The following PDE4D variants were observed in gnomAD, a reference collection of about 807,000 sequenced individuals.
PDE4D encodes 3',5'-cyclic-AMP phosphodiesterase 4D.
Under a neutral mutation model 87.4 loss-of-function variants are expected in PDE4D, and 24 were observed. The ratio of observed to expected loss-of-function variants is 0.27; its 90% CI spans 0.20 to 0.39. The LOEUF is 0.39. Among genes scored for constraint, PDE4D ranks in the 10% least tolerant of loss-of-function variants. PDE4D has a pLI of 1.00. For missense variants in PDE4D, 714 were observed against 1,041.0 expected (o/e 0.69, Z 4.32); for synonymous variants, 384 against 383.2 (o/e 1.00, Z -0.02).
chr5:59,108,953 CAATGTGTGTGTGTGTGTGTG>C (rs1398552070), intron 5 of PDE4D, among the ~76,000 whole-genome samples: 18 of 94,422 alleles, frequency 1.9e-4, no homozygotes, highest in Admixed American at 3.4e-4. Flanking sequence ...CATAGGAACT[CAATGTGTGTGTGTGTGTGTG>C]TGTGTGTGTG....
At chr5:59,443,694 A>G (rs944802961) in intron 1 of PDE4D, among the ~76,000 whole-genome samples, 1 of 152,238 alleles carries the variant, frequency 6.6e-6, no homozygotes, top group Non-Finnish European at 1.5e-5. Flanking sequence ...ATTTTAAATT[A>G]TTCAATGAAG....
At chr5:59,700,495 TA>T (rs1189707022) in intron 1 of PDE4D, among the ~76,000 whole-genome samples, 8 of 152,082 alleles carry the variant, frequency 5.3e-5, no homozygotes, top group Non-Finnish European at 1.2e-4. Flanking sequence ...CCAAAAATAA[TA>T]TGGGAGAAAA....
Position 59,199,384 on chromosome 5 carries a change from C to T in PDE4D, c.648-5848G>A, listed in dbSNP as rs57338410. On this transcript the variant is annotated intron_variant, in intron 2 of 14. Coordinates refer to ENST00000340635, the MANE Select transcript of PDE4D (RefSeq NM_001104631.2). The stretch of plus-strand genomic sequence containing the variant: ...CTAGGATTACAGGTGTGCACCACCG[C>T]GCTGGCCGAATGGAATCTTGTGCAA... Among the ~76,000 whole-genome samples the T allele has an allele frequency of 3.0e-3, 450 of 152,004 alleles. 7 individuals are homozygous for T. In the East Asian group the frequency reaches 0.059, roughly 20 times the overall value.
intron 1 of PDE4D, among the ~76,000 whole-genome samples, chr5:59,765,986 C>T (rs972057459): frequency 1.3e-5 from 2 of 152,008 alleles, no homozygotes; most frequent in South Asian, 2.1e-4. Context: ...GTATGCATAG[C>T]GAATGGAGGG....
intron 5 of PDE4D, among the ~76,000 whole-genome samples, chr5:59,041,475 A>T (rs1336565653): frequency 6.6e-6 from 1 of 152,172 alleles, no homozygotes; most frequent in East Asian, 1.9e-4. Flanking sequence ...TCATTCCCAT[A>T]ATATAGGAAT....
At chr5:59,931,092 TAAAC>T (rs904353709) in intron 3 of PDE4D, among the ~76,000 whole-genome samples, 1 of 152,228 alleles carries the variant, frequency 6.6e-6, no homozygotes, top group African/African-American at 2.4e-5. Flanking sequence ...ATTTATGAAT[TAAAC>T]AATGTTGGGA....
intron 1 of PDE4D, among the ~76,000 whole-genome samples, chr5:59,542,114 A>T (rs1412753304): frequency 6.6e-6 from 1 of 152,162 alleles, no homozygotes; most frequent in Admixed American, 6.5e-5. Context: ...GACTCACAAG[A>T]CCAGCCTCTA....
At chr5:59,999,547 C>G in intron 2 of PDE4D, among the ~76,000 whole-genome samples, 1 of 123,820 alleles carries the variant, frequency 8.1e-6, no homozygotes, top group African/African-American at 3.6e-5. Flanking sequence ...AAAAACAAAA[C>G]AAAACTGGAG....
At chr5:59,370,537 T>A (rs1308388680) in intron 1 of PDE4D, among the ~76,000 whole-genome samples, 1 of 152,250 alleles carries the variant, frequency 6.6e-6, no homozygotes, top group Non-Finnish European at 1.5e-5. Context: ...GGGATACCTA[T>A]TCTGACTTTT....
chr5:60,099,621 T>C (rs937303770), intron 2 of PDE4D, among the ~76,000 whole-genome samples: 3 of 150,696 alleles, frequency 2.0e-5, no homozygotes, highest in African/African-American at 7.3e-5. Flanking sequence ...GAAAAACAAA[T>C]GGTTATTAAA....
chr5:60,305,151 G>T (rs1228250515), intron 1 of PDE4D, among the ~76,000 whole-genome samples: 1 of 151,274 alleles, frequency 6.6e-6, no homozygotes, highest in Non-Finnish European at 1.5e-5. Context: ...GAATCCAAAA[G>T]AAAAACTCAG....
At chr5:59,587,299 G>A (rs757283627) in intron 1 of PDE4D, among the ~76,000 whole-genome samples, 2 of 152,194 alleles carry the variant, frequency 1.3e-5, no homozygotes, top group Admixed American at 6.5e-5. Flanking sequence ...GTCAGACGTT[G>A]TCTAAGAATT....
chr5:60,044,359 G>C (rs1304585423), intron 2 of PDE4D, among the ~76,000 whole-genome samples: 76 of 112,928 alleles, frequency 6.7e-4, no homozygotes, highest in Non-Finnish European at 1.7e-4. Flanking sequence ...TTATACTCTA[G>C]TTTTTCCTTT....
intron 1 of PDE4D, among the ~76,000 whole-genome samples, chr5:59,513,690 T>C (rs1370785483): frequency 6.6e-6 from 1 of 152,226 alleles, no homozygotes; most frequent in Non-Finnish European, 1.5e-5. Flanking sequence ...TGAAAGGCAG[T>C]ACTTCCACAT....
intron 1 of PDE4D, among the ~76,000 whole-genome samples, chr5:59,699,751 T>C (rs1225333260): frequency 6.6e-6 from 1 of 152,182 alleles, no homozygotes; most frequent in Non-Finnish European, 1.5e-5. Flanking sequence ...ACCAATAATA[T>C]AAAATAGGGA....
intron 1 of PDE4D, among the ~76,000 whole-genome samples, chr5:60,455,817 G>A (rs1201033269): frequency 6.6e-6 from 1 of 152,110 alleles, no homozygotes; most frequent in African/African-American, 2.4e-5. Context: ...GGCCATTCAA[G>A]GACCTCTGCG....
intron 2 of PDE4D, among the ~76,000 whole-genome samples, chr5:59,199,642 T>C (rs890417389): frequency 1.3e-5 from 2 of 152,172 alleles, no homozygotes; most frequent in African/African-American, 4.8e-5. Context: ...TTTAGAATTA[T>C]AGAGAAACAA....
chr5:59,544,039 A>C (rs1816825166), intron 1 of PDE4D, among the ~76,000 whole-genome samples: 1 of 152,180 alleles, frequency 6.6e-6, no homozygotes, highest in Non-Finnish European at 1.5e-5. Context: ...AAACTTCTAA[A>C]CACTCACAGG....
chr5:58,970,923 A>AAG lies in PDE4D; in HGVS notation c.*3740_*3741insCT. The AAG allele has an allele frequency of 6.6e-6, 1 of 151,474 alleles. No homozygotes were observed. The highest frequency in any genetic ancestry group is 1.9e-4 in the East Asian group (1 of 5,176). 9.4% of individuals were successfully genotyped at this position (151,474 alleles called of 1,614,324 possible). A position where few individuals can be genotyped will look rare whatever the true frequency, so the allele number is the denominator to read the frequency against. On this transcript the variant is annotated 3_prime_UTR_variant, in exon 15 of 15. Transcript: ENST00000340635. Reference sequence around the variant, plus strand: ...GTTTCCGAGTTAAAAAAAAAAAAAAAGGAAATAATCAAATGCAAGTAGCTG... The same window carrying AAG: ...GTTTCCGAGTTAAAAAAAAAAAAAAAAGGGAAATAATCAAATGCAAGTAGCTG...
Sources: allele counts gnomAD v4.1 joint callset (sites outside exome capture counted in the v4.1 genomes callset), GRCh38; gene constraint gnomAD v4.1.1; transcripts MANE v1.5; gene names NCBI Gene and HGNC (gene_info 2026-07-23, HGNC 2026-07-21).